Variants in CNBD1 observed in about 807,000 individuals in gnomAD.
CNBD1 encodes cyclic nucleotide-binding domain-containing protein 1.
Under a neutral mutation model 54.4 loss-of-function variants are expected in CNBD1, and 71 were observed. The ratio of observed to expected loss-of-function variants is 1.30; its 90% CI spans 1.08 to 1.59. The LOEUF is 1.59. Ranked by LOEUF, CNBD1 falls within the 40% of genes most tolerant of loss-of-function variation. The probability of loss-of-function intolerance (pLI) is 0.00; values close to 1 mark genes in which losing one functional copy is unlikely to be tolerated. For synonymous variants in CNBD1, 182 were observed against 170.7 expected, an observed-to-expected ratio of 1.07 and a Z score of -0.51; for missense variants, 659 against 518.0, an observed-to-expected ratio of 1.27 and a Z score of -2.64.
At chr8:87,400,550 G>T (rs1241904517) in intron 2 of CNBD1, among the ~76,000 whole-genome samples, 1 of 152,094 alleles carries the variant, frequency 6.6e-6, no homozygotes, top group Admixed American at 6.6e-5. Flanking sequence ...AATTTTTCAA[G>T]ATAGACCCAA....
chr8:86,924,501 C>G (rs1244215730), intron 3 of CNBD1, among the ~76,000 whole-genome samples: 1 of 152,064 alleles, frequency 6.6e-6, no homozygotes, highest in Non-Finnish European at 1.5e-5. Flanking sequence ...AGGTGTGTCA[C>G]TAATTCAGCA....
intron 2 of CNBD1, among the ~76,000 whole-genome samples, chr8:87,409,689 T>C (rs552681760): frequency 6.6e-6 from 1 of 152,174 alleles, no homozygotes; most frequent in South Asian, 2.1e-4. Flanking sequence ...CTAATCCTCA[T>C]TTACCACTCT....
intron 10 of CNBD1, among the ~76,000 whole-genome samples, chr8:87,369,751 GT>G (rs1810725848): frequency 6.6e-6 from 1 of 151,498 alleles, no homozygotes; most frequent in Non-Finnish European, 1.5e-5. Context: ...TATACTTTAA[GT>G]TTTAGGGTAC....
At chr8:86,939,973 T>G (rs1391537970) in intron 4 of CNBD1, among the ~76,000 whole-genome samples, 1 of 152,096 alleles carries the variant, frequency 6.6e-6, no homozygotes, top group Non-Finnish European at 1.5e-5. Flanking sequence ...ATGCTAAACT[T>G]GTGACCCATT....
chr8:87,402,798 C>T (rs1352849679), intron 2 of CNBD1, among the ~76,000 whole-genome samples: 3 of 151,918 alleles, frequency 2.0e-5, no homozygotes, highest in African/African-American at 7.3e-5. Flanking sequence ...TGGAGTAGAA[C>T]AAAATGTGAA....
Position 86,928,281 on chromosome 8 carries a change from C to T in CNBD1, c.273-11315C>T, listed in dbSNP as rs576099433. Among the ~76,000 whole-genome samples the T allele has an allele frequency of 3.0e-4, 45 of 152,134 alleles. No individual in the cohort carries two copies. In the South Asian group the frequency reaches 7.1e-3, roughly 24 times the overall value. On this transcript the variant is annotated intron_variant, in intron 3 of 10. Transcript: ENST00000518476. ...CATACAGCATTTCATATGGACTTAC[C>T]CCCATTTTGTGAAGAGAATTTCGGA...
intron 6 of CNBD1, among the ~76,000 whole-genome samples, chr8:87,280,334 T>C (rs1808574667): frequency 6.6e-6 from 1 of 151,582 alleles, no homozygotes; most frequent in Admixed American, 6.6e-5. Context: ...CTTTGGAGAC[T>C]TAGACAACTT....
intron 2 of CNBD1, among the ~76,000 whole-genome samples, chr8:87,404,283 C>T (rs1807617344): frequency 6.6e-6 from 1 of 151,996 alleles, no homozygotes; most frequent in South Asian, 2.1e-4. Flanking sequence ...TTTGTGATAT[C>T]TAACAAACTG....
At chr8:87,421,199 A>G (rs1807927886) in intron 2 of CNBD1, among the ~76,000 whole-genome samples, 1 of 151,948 alleles carries the variant, frequency 6.6e-6, no homozygotes, top group African/African-American at 2.4e-5. Context: ...AAGTTACATA[A>G]TTCACTTAGT....
intron 6 of CNBD1, among the ~76,000 whole-genome samples, chr8:87,245,081 G>A (rs150320837): frequency 2.9e-3 from 443 of 152,006 alleles, no homozygotes; most frequent in African/African-American, 9.9e-3. Context: ...TTGTCTCTCC[G>A]ATCATCGAAA....
chr8:86,934,753 G>A lies in CNBD1; in HGVS notation c.273-4843G>A, dbSNP rs138956337. 2.1e-3 allele frequency among the ~76,000 whole-genome samples: 317 copies of A among 152,128 alleles called. 3 individuals are homozygous for A. Among genetic ancestry groups the A allele is most frequent in the African/African-American group, 7.3e-3 (301 of 41,508 alleles). ...TTTTCCTTACGTATTTTGTTAATGG[G>A]TTAAATAACAATCCTGGAATAGTAT... On this transcript the variant is annotated intron_variant, in intron 3 of 10. Transcript: ENST00000518476.
chr8:86,943,918 C>A (rs1229497400), intron 4 of CNBD1, among the ~76,000 whole-genome samples: 1 of 152,064 alleles, frequency 6.6e-6, no homozygotes, highest in African/African-American at 2.4e-5. Context: ...CTGGAAGTCT[C>A]TTCAAGGTAC....
intron 8 of CNBD1, among the ~76,000 whole-genome samples, chr8:87,313,298 A>G (rs993885741): frequency 6.6e-6 from 1 of 152,176 alleles, no homozygotes; most frequent in South Asian, 2.1e-4. Flanking sequence ...AGAATGTAAA[A>G]TGTAAATCAA....
At position 87,228,258 on chromosome 8, in the gene CNBD1, G is replaced by A. The variant is rs1031820548; in HGVS notation, c.578-8661G>A. On this transcript the variant is annotated intron_variant, in intron 5 of 10. Coordinates refer to ENST00000518476, the MANE Select transcript of CNBD1 (RefSeq NM_173538.3). ...TCTCAGCTCGTCAAAGTCCTTCTCCGTCCAGCTTTGTTCCGTTGCTGGTGA... is the reference window on the plus strand; with the variant it reads ...TCTCAGCTCGTCAAAGTCCTTCTCCATCCAGCTTTGTTCCGTTGCTGGTGA... Among the ~76,000 whole-genome samples, 339 of 151,368 alleles carry A rather than the reference G, an allele frequency of 2.2e-3. 6 individuals are homozygous for A. The highest frequency in any genetic ancestry group is 0.017 in the South Asian group (82 of 4,794).
At chr8:87,319,511 G>A (rs1367348392) in intron 8 of CNBD1, among the ~76,000 whole-genome samples, 1 of 151,806 alleles carries the variant, frequency 6.6e-6, no homozygotes, top group African/African-American at 2.4e-5. Flanking sequence ...TTTATTTGAA[G>A]AATAAAAAAT....
chr8:87,293,620 T>C (rs942690460), intron 8 of CNBD1, among the ~76,000 whole-genome samples: 5 of 152,226 alleles, frequency 3.3e-5, no homozygotes, highest in Non-Finnish European at 7.3e-5. Flanking sequence ...TGTAGGACAG[T>C]TTGTTGATCT....
chr8:87,131,436 A>G (rs1373562878), intron 4 of CNBD1, among the ~76,000 whole-genome samples: 1 of 152,072 alleles, frequency 6.6e-6, no homozygotes, highest in African/African-American at 2.4e-5. Context: ...TTGCAATCAT[A>G]TAGGTCATTT....
intron 8 of CNBD1, among the ~76,000 whole-genome samples, chr8:87,331,525 G>A (rs367672307): frequency 6.6e-5 from 10 of 152,164 alleles, no homozygotes; most frequent in African/African-American, 2.4e-4. Context: ...ATAAACATAT[G>A]TGTGCATGTA....
chr8:87,313,518 TA>T (rs1809313819), intron 8 of CNBD1, among the ~76,000 whole-genome samples: 1 of 152,004 alleles, frequency 6.6e-6, no homozygotes, highest in African/African-American at 2.4e-5. Context: ...AATTCTTCAA[TA>T]GTGAAGGAAC....
Sources: gnomAD v4.1 joint callset for allele counts (sites outside exome capture counted in the v4.1 genomes callset) on GRCh38, gnomAD v4.1.1 for gene constraint, MANE v1.5 for transcripts, NCBI Gene and HGNC (gene_info 2026-07-23, HGNC 2026-07-21) for gene names.